The following KCNH1 variants were observed in gnomAD, a reference collection of about 807,000 sequenced individuals.
KCNH1 encodes potassium voltage-gated channel subfamily H member 1.
Under a neutral mutation model 69.2 loss-of-function variants are expected in KCNH1, and 27 were observed. The observed-to-expected ratio is 0.39, with a 90% CI of 0.29 to 0.54. The LOEUF (loss-of-function observed/expected upper bound fraction) is 0.54, where lower values mean the gene tolerates loss of function less well. Ranked by LOEUF, KCNH1 falls within the 20% of genes least tolerant of loss-of-function variation. The pLI is 0.68. For synonymous variants in KCNH1, 456 were observed against 487.7 expected, an observed-to-expected ratio of 0.93 and a Z score of 0.86; for missense variants, 798 against 1,261.6, an observed-to-expected ratio of 0.63 and a Z score of 5.57.
chr1:211,128,045 C>G (rs1490168655), intron 1 of KCNH1, among the ~76,000 whole-genome samples: 3 of 152,074 alleles, frequency 2.0e-5, no homozygotes, highest in Admixed American at 1.3e-4. Context: ...AATCTCAACA[C>G]TTTGGAAGGC....
At chr1:211,035,973 C>T (rs1281280965) in intron 5 of KCNH1, among the ~76,000 whole-genome samples, 1 of 152,204 alleles carries the variant, frequency 6.6e-6, no homozygotes, top group East Asian at 1.9e-4. Context: ...CTGATTGTTA[C>T]CAATGCACCA....
At chr1:210,843,901 T>G (rs1404110252) in intron 7 of KCNH1, among the ~76,000 whole-genome samples, 1 of 152,172 alleles carries the variant, frequency 6.6e-6, no homozygotes. Context: ...TCCAGGTGAA[T>G]AGCAATTGAC....
intron 9 of KCNH1, among the ~76,000 whole-genome samples, chr1:210,779,440 G>C (rs192797604): frequency 3.9e-5 from 6 of 152,316 alleles, no homozygotes; most frequent in Admixed American, 2.6e-4. Flanking sequence ...CATTTGGCAA[G>C]CTGCTTGTAA....
At chr1:210,723,051 A>G (rs1004698042) in intron 10 of KCNH1, among the ~76,000 whole-genome samples, 2 of 152,192 alleles carry the variant, frequency 1.3e-5, no homozygotes, top group African/African-American at 4.8e-5. Context: ...GCACACAACC[A>G]TAAGGGGAAA....
At chr1:210,754,838 A>ACG (rs1422040403) in intron 10 of KCNH1, among the ~76,000 whole-genome samples, 1 of 88,828 alleles carries the variant, frequency 1.1e-5, no homozygotes, top group Middle Eastern at 6.0e-3. Context: ...ACACAAGTAC[A>ACG]CACGGGCACA....
intron 7 of KCNH1, among the ~76,000 whole-genome samples, chr1:210,831,775 C>T (rs1685165676): frequency 6.6e-6 from 1 of 152,174 alleles, no homozygotes; most frequent in South Asian, 2.1e-4. Flanking sequence ...CATAACTGCA[C>T]CTTCTGGAGA....
intron 7 of KCNH1, among the ~76,000 whole-genome samples, chr1:210,812,024 C>T (rs1321754787): frequency 6.6e-6 from 1 of 152,146 alleles, no homozygotes; most frequent in Non-Finnish European, 1.5e-5. Context: ...ACATATATTT[C>T]TAACAAGATC....
intron 10 of KCNH1, among the ~76,000 whole-genome samples, chr1:210,772,470 CA>C (rs1683770825): frequency 2.0e-5 from 3 of 150,356 alleles, no homozygotes; most frequent in Non-Finnish European, 4.4e-5. Flanking sequence ...CAGAAGGACA[CA>C]ATGAGAGACT....
At chr1:211,061,541 G>T (rs970352433) in intron 5 of KCNH1, among the ~76,000 whole-genome samples, 1 of 152,066 alleles carries the variant, frequency 6.6e-6, no homozygotes, top group East Asian at 1.9e-4. Context: ...ATTGTTTGCA[G>T]ATGACATAAT....
At chr1:210,877,898 G>A (rs1298684612) in intron 7 of KCNH1, among the ~76,000 whole-genome samples, 1 of 152,090 alleles carries the variant, frequency 6.6e-6, no homozygotes, top group Non-Finnish European at 1.5e-5. Context: ...CATTAACAGT[G>A]TAAGTCAAAC....
At chr1:210,929,465 C>T (rs541289491) in intron 6 of KCNH1, among the ~76,000 whole-genome samples, 1 of 152,086 alleles carries the variant, frequency 6.6e-6, no homozygotes, top group Non-Finnish European at 1.5e-5. Flanking sequence ...AAGCATCTGA[C>T]AAAATTCAGC....
intron 5 of KCNH1, among the ~76,000 whole-genome samples, chr1:211,079,807 G>A (rs1690816311): frequency 6.6e-6 from 1 of 152,120 alleles, no homozygotes; most frequent in Non-Finnish European, 1.5e-5. Context: ...AGGTACTGAT[G>A]GAATGTATCT....
intron 6 of KCNH1, among the ~76,000 whole-genome samples, chr1:210,963,608 G>A (rs904408878): frequency 2.6e-5 from 4 of 151,948 alleles, no homozygotes; most frequent in Non-Finnish European, 5.9e-5. Context: ...TGACCTGATG[G>A]AACTGAAAAA....
intron 6 of KCNH1, among the ~76,000 whole-genome samples, chr1:210,972,027 A>T (rs1688520420): frequency 6.6e-6 from 1 of 152,030 alleles, no homozygotes. Context: ...TTAAAAATCC[A>T]CTCAGATGCA....
chr1:210,715,745 C>G (rs577635893), intron 10 of KCNH1, among the ~76,000 whole-genome samples: 5 of 152,186 alleles, frequency 3.3e-5, no homozygotes, highest in Admixed American at 3.3e-4. Context: ...CAAAACAAAC[C>G]CACGTGTGAC....
intron 1 of KCNH1, chr1:211,132,843 A>G (rs1455300697): frequency 6.6e-6 from 1 of 152,164 alleles, no homozygotes; most frequent in African/African-American, 2.4e-5. Flanking sequence ...ATGCTTGGCT[A>G]TCTTTCAATA....
chr1:211,085,294 A>C (rs553005502), intron 4 of KCNH1, among the ~76,000 whole-genome samples: 1 of 152,274 alleles, frequency 6.6e-6, no homozygotes, highest in South Asian at 2.1e-4. Context: ...GATGATGCTA[A>C]AGAGGTTGGT....
intron 7 of KCNH1, among the ~76,000 whole-genome samples, chr1:210,894,202 C>G (rs1421194222): frequency 1.3e-5 from 2 of 152,100 alleles, no homozygotes; most frequent in African/African-American, 4.8e-5. Flanking sequence ...TATTTTTGAG[C>G]TTTATTCTGG....
chr1:210,959,978 G>A (rs965289713), intron 6 of KCNH1, among the ~76,000 whole-genome samples: 7 of 152,258 alleles, frequency 4.6e-5, no homozygotes, highest in East Asian at 1.9e-4. Flanking sequence ...GAAATCACCC[G>A]TCTTCTACAT....
Sources: gnomAD v4.1 joint callset for allele counts (sites outside exome capture counted in the v4.1 genomes callset) on GRCh38, gnomAD v4.1.1 for gene constraint, MANE v1.5 for transcripts, NCBI Gene and HGNC (gene_info 2026-07-23, HGNC 2026-07-21) for gene names.